CCT3: variants seen among roughly 807,000 people sequenced by gnomAD.
The protein encoded by CCT3 is T-complex protein 1 subunit gamma.
CCT3 carries 10 observed loss-of-function variants against 65.3 expected under a neutral mutation model. That is an observed-to-expected ratio of 0.15 (90% CI 0.09 to 0.26). The LOEUF (loss-of-function observed/expected upper bound fraction) is 0.26, where lower values mean the gene tolerates loss of function less well. CCT3 is among the 10% of genes least tolerant of loss of function. CCT3 has a pLI of 1.00. For synonymous variants in CCT3, 225 were observed against 242.3 expected (o/e 0.93, Z 0.66); for missense variants, 626 against 708.7 (o/e 0.88, Z 1.33).
chr1:156,335,796 A>T (rs908153911), intron 2 of CCT3, 31 bp downstream of exon 2: 13 of 1,594,650 alleles, frequency 8.2e-6, no homozygotes, highest in Non-Finnish European at 1.1e-5. Context: ...GCTGGAGGCA[A>T]ACTACCATAA....
intron 8 of CCT3, among the ~76,000 whole-genome samples, chr1:156,318,272 G>T (rs1664395915): frequency 6.7e-6 from 1 of 148,394 alleles, no homozygotes; most frequent in African/African-American, 2.5e-5. Flanking sequence ...TGCTCAGGCT[G>T]GAGTTCAGTG....
chr1:156,329,866 G>T (rs1185382519), intron 5 of CCT3, among the ~76,000 whole-genome samples: 1 of 151,792 alleles, frequency 6.6e-6, no homozygotes, highest in East Asian at 2.0e-4. Context: ...TGGAACCCGG[G>T]AGGCAGAGGC....
At chr1:156,331,593 G>C (rs568257752) in intron 5 of CCT3, among the ~76,000 whole-genome samples, 1 of 151,854 alleles carries the variant, frequency 6.6e-6, no homozygotes, top group Non-Finnish European at 1.5e-5. Flanking sequence ...TGAGGCAGGA[G>C]AATCACTTGA....
chr1:156,336,789 C>T (rs1341069351), intron 1 of CCT3, among the ~76,000 whole-genome samples: 1 of 152,170 alleles, frequency 6.6e-6, no homozygotes, highest in African/African-American at 2.4e-5. Flanking sequence ...ATCTTTCAAT[C>T]CAGTCCCATC....
intron 5 of CCT3, among the ~76,000 whole-genome samples, chr1:156,332,044 G>C (rs1362051636): frequency 2.1e-5 from 1 of 46,594 alleles, no homozygotes; most frequent in Non-Finnish European, 6.1e-5. Flanking sequence ...AAAAAAAAAA[G>C]AGACATGGTC....
intron 4 of CCT3, 93 bp downstream of exon 4, chr1:156,334,620 C>T (rs1665255310): frequency 8.4e-7 from 1 of 1,191,392 alleles, no homozygotes; most frequent in Admixed American, 2.1e-5. Flanking sequence ...TATAGCAGCC[C>T]TAAAAAACTA....
At chr1:156,310,452 C>G in intron 13 of CCT3, 106 bp downstream of exon 13, 1 of 800,538 alleles carries the variant, frequency 1.2e-6, no homozygotes, top group East Asian at 3.5e-5. Context: ...CGAGATCACA[C>G]CACTGCACTC....
chr1:156,336,008 C>T (rs1379813757), intron 1 of CCT3, 120 bp from the exon 2 acceptor site: 7 of 680,270 alleles, frequency 1.0e-5, no homozygotes, highest in Non-Finnish European at 7.5e-6. Context: ...CAGAGCAAAG[C>T]TTATCAAACT....
intron 5 of CCT3, among the ~76,000 whole-genome samples, chr1:156,326,248 G>A (rs1297294794): frequency 2.0e-5 from 3 of 152,082 alleles, no homozygotes; most frequent in Admixed American, 2.0e-4. Flanking sequence ...AGGACTCATT[G>A]AGCCCAGAAG....
chr1:156,317,615 T>C (rs1250810234), intron 8 of CCT3, 68 bp from the exon 9 acceptor site: 36 of 1,441,390 alleles, frequency 2.5e-5, no homozygotes, highest in Non-Finnish European at 3.1e-5. Flanking sequence ...GGTCATATTA[T>C]ACTCCTTCCA....
intron 5 of CCT3, among the ~76,000 whole-genome samples, chr1:156,328,680 C>A (rs1408343676): frequency 6.6e-6 from 1 of 151,872 alleles, no homozygotes; most frequent in Non-Finnish European, 1.5e-5. Context: ...AGAGTCATCA[C>A]CACTCCCTAA....
chr1:156,332,698 T>C (rs1665154680), intron 5 of CCT3: 1 of 152,236 alleles, frequency 6.6e-6, no homozygotes, highest in South Asian at 2.1e-4. Context: ...ATGATTTCGG[T>C]ATTTATAATG....
chr1:156,335,238 T>C (rs1558275140), intron 2 of CCT3: 4 of 270,784 alleles, frequency 1.5e-5, no homozygotes, highest in South Asian at 1.3e-4. Flanking sequence ...GCATGCCACT[T>C]TAGATATAGG....
chr1:156,312,368 G>T, intron 10 of CCT3, 147 bp from the exon 11 acceptor site: 1 of 633,228 alleles, frequency 1.6e-6, no homozygotes, highest in Non-Finnish European at 2.6e-6. Context: ...CGGTGAAAAA[G>T]ATTTTCAGGG....
chr1:156,333,771 T>G, intron 4 of CCT3, 128 bp from the exon 5 acceptor site: 1 of 653,208 alleles, frequency 1.5e-6, no homozygotes, highest in Non-Finnish European at 2.6e-6. Context: ...TACCATATCT[T>G]GAAAGATTAA....
chr1:156,328,039 T>TG (rs1664915638), intron 5 of CCT3, among the ~76,000 whole-genome samples: 1 of 93,182 alleles, frequency 1.1e-5, no homozygotes, highest in Non-Finnish European at 2.1e-5. Context: ...GGGAGGGAGG[T>TG]GGGGGTCCAG....
At chr1:156,325,929 A>T (rs1343567171) in intron 5 of CCT3, among the ~76,000 whole-genome samples, 2 of 152,104 alleles carry the variant, frequency 1.3e-5, no homozygotes, top group African/African-American at 4.8e-5. Context: ...GCTCTAAAAT[A>T]AAGAAAAATG....
chr1:156,336,239 C>G (rs1163649134), intron 1 of CCT3, among the ~76,000 whole-genome samples: 1 of 148,802 alleles, frequency 6.7e-6, no homozygotes, highest in Non-Finnish European at 1.5e-5. Flanking sequence ...AGTGGGATAG[C>G]GAACTCCCTG....
intron 2 of CCT3, chr1:156,335,132 A>G (rs1415915388): frequency 3.8e-6 from 2 of 528,124 alleles, no homozygotes; most frequent in Non-Finnish European, 6.6e-6. Flanking sequence ...CAGCCTCCCA[A>G]AGTGTTGGGA....
Sources: gnomAD v4.1 joint callset for allele counts (sites outside exome capture counted in the v4.1 genomes callset) on GRCh38, gnomAD v4.1.1 for gene constraint, MANE v1.5 for transcripts, NCBI Gene and HGNC (gene_info 2026-07-23, HGNC 2026-07-21) for gene names.